The following TRABD variants were observed in gnomAD, a reference collection of about 807,000 sequenced individuals.
The protein encoded by TRABD is TraB domain containing, also known as traB domain-containing protein.
A neutral mutation model predicts 39.6 loss-of-function variants in TRABD; 23 were observed. The ratio of observed to expected loss-of-function variants is 0.58; its 90% CI spans 0.42 to 0.82. The LOEUF is 0.82. Ranked by LOEUF, TRABD falls within the 40% of genes least tolerant of loss-of-function variation. The pLI, the probability that TRABD is intolerant of heterozygous loss-of-function variation, is 0.00. For synonymous variants in TRABD, 243 were observed against 232.1 expected, an observed-to-expected ratio of 1.05 and a Z score of -0.43; for missense variants, 487 against 544.9, an observed-to-expected ratio of 0.89 and a Z score of 1.06.
chr22:50,198,252 G>C lies in TRABD; in HGVS notation c.956+66G>C. 6.5e-7 allele frequency: 1 copy of C among 1,542,774 alleles called. No homozygotes were observed. ...CCCCAGGTGGAGGCTGAGCGCCCTG[G>C]AGGCCAACCACATGCGGCAGTGACC... On this transcript the variant is annotated intron_variant, in intron 9 of 9. Transcript: ENST00000380909. This position sits in a 1 kb window ranked among gnomAD's most constrained non-coding sequence, Gnocchi z 7.9.
chr22:50,187,941 C>G (rs2063801729), intron 1 of TRABD, among the ~76,000 whole-genome samples: 1 of 151,262 alleles, frequency 6.6e-6, no homozygotes, highest in African/African-American at 2.4e-5. Flanking sequence ...GATCATGCCA[C>G]TGCACTCCAG....
At chr22:50,197,763 A>AGCCCCCCCCCCCCCCCCCCGG in intron 7 of TRABD, 60 bp from the exon 8 acceptor site, 13 of 1,439,772 alleles carry the variant, frequency 9.0e-6, no homozygotes, top group East Asian at 4.6e-5. Context: ...CCACAGTGCC[A>AGCCCCCCCCCCCCCCCCCCGG]GCCCCACCCC....
At position 50,191,063 on chromosome 22, in the gene TRABD, C is replaced by T. The variant is rs574508132; in HGVS notation, c.-34-1964C>T. 9.8e-5 allele frequency among the ~76,000 whole-genome samples: 15 copies of T among 152,328 alleles called. No homozygotes were observed. The East Asian group carries it at 2.3e-3, about 24-fold the overall frequency. On this transcript the variant is annotated intron_variant, in intron 1 of 9. Coordinates refer to ENST00000380909, the MANE Select transcript of TRABD (RefSeq NM_001320485.2). ...GCCCTCTGCAGAGGCTCAAGGCCCC[C>T]GGGGACATGAGCCTGGTGTTTATCA... is the stretch of plus-strand genomic sequence containing the variant.
At chr22:50,189,309 C>T (rs932259069) in intron 1 of TRABD, among the ~76,000 whole-genome samples, 1 of 152,228 alleles carries the variant, frequency 6.6e-6, no homozygotes, top group Non-Finnish European at 1.5e-5. Context: ...GAGCATCCTG[C>T]CCAGGGTAGC....
In TRABD at chr22:50,193,627, G is replaced by A. The variant is rs1179042453; in HGVS notation, c.85G>A (p.Val29Met). The change falls in exon 3 of 10, where the codon GTG (valine) becomes ATG (methionine). Residue 29 changes from valine (V) to methionine (M), a missense_variant. Val to Met is a conservative substitution (Grantham distance 21, BLOSUM62 1). Coordinates refer to ENST00000380909, the MANE Select transcript of TRABD (RefSeq NM_001320485.2). ...PSEASEPVPR[V>M]LSGDPQNLSD... ...AGAGGCTTCAGAGCCGGTGCCCAGG[G>A]TGCTTTCTGGAGACCCCCAGAACCT... 1.1e-5 allele frequency: 18 copies of A among 1,613,808 alleles called. No individual in the cohort carries two copies. Among genetic ancestry groups the A allele is most frequent in the Non-Finnish European group, 1.4e-5 (17 of 1,179,960 alleles).
intron 1 of TRABD, 144 bp downstream of exon 1, chr22:50,186,120 G>GGC (rs1555898219): frequency 7.0e-6 from 1 of 142,718 alleles, no homozygotes; most frequent in African/African-American, 2.6e-5. Context: ...GGGGCGGGGG[G>GGC]GGTCAGGCCC....
chr22:50,193,681 G>A lies in TRABD; in HGVS notation c.112+27G>A, dbSNP rs200520083. The A allele has an allele frequency of 1.5e-3, 2,378 of 1,605,780 alleles. 3 individuals are homozygous for A. The highest frequency in any genetic ancestry group is 1.7e-3 in the Non-Finnish European group (2,051 of 1,172,878). On this transcript the variant is annotated intron_variant, in intron 3 of 9. Coordinates refer to ENST00000380909, the MANE Select transcript of TRABD (RefSeq NM_001320485.2). The stretch of plus-strand genomic sequence containing the variant: ...TACGTGTCCCTCAGGGTCCTGGCAC[G>A]TTCCCCGGTGTTGGGCTGTTGAGTC...
At chr22:50,186,122 G>T (rs1325602165) in intron 1 of TRABD, 146 bp downstream of exon 1, 1 of 137,264 alleles carries the variant, frequency 7.3e-6, no homozygotes, top group Non-Finnish European at 1.6e-5. Flanking sequence ...GGCGGGGGGG[G>T]TCAGGCCCGG....
chr22:50,189,602 C>T (rs182989456), intron 1 of TRABD, among the ~76,000 whole-genome samples: 120 of 152,366 alleles, frequency 7.9e-4, no homozygotes, highest in African/African-American at 2.7e-3. Context: ...TCTGTCCCCC[C>T]GGAGGGGCAG....
intron 7 of TRABD, 78 bp from the exon 8 acceptor site, chr22:50,197,745 C>T (rs1449719348): frequency 2.5e-6 from 4 of 1,580,312 alleles, no homozygotes; most frequent in East Asian, 4.5e-5. Context: ...GTGGTCCCTG[C>T]CCGGTGTCCA....
chr22:50,195,474 T>G (rs942238160), intron 5 of TRABD, among the ~76,000 whole-genome samples: 7 of 151,826 alleles, frequency 4.6e-5, no homozygotes, highest in East Asian at 1.9e-4. Context: ...TTTTGTTTTT[T>G]TTTTTTGAGA....
chr22:50,193,752 TGTG>T (rs1421615641), intron 3 of TRABD, 98 bp downstream of exon 3: 1 of 1,243,696 alleles, frequency 8.0e-7, no homozygotes, highest in Non-Finnish European at 1.2e-6. Context: ...GCTTGGAGCT[TGTG>T]GTGAGCAGGG....
chr22:50,197,375 G>T (rs769189067), intron 6 of TRABD, 24 bp downstream of exon 6: 17 of 1,613,030 alleles, frequency 1.1e-5, no homozygotes, highest in African/African-American at 1.3e-5. Flanking sequence ...GAGGTAGGGG[G>T]TGGCCACAGG....
In TRABD at chr22:50,198,310, C is replaced by A. The variant is rs749595225; in HGVS notation, c.957-35C>A. The A allele has an allele frequency of 6.5e-7, 1 of 1,529,040 alleles. No homozygotes were observed. Among genetic ancestry groups the A allele is most frequent in the South Asian group, 1.2e-5 (1 of 82,082 alleles). The allele number at this position is 1,529,040 out of a possible 1,614,324, so 94.7% of individuals were successfully genotyped here. On this transcript the variant is annotated intron_variant, in intron 9 of 9. Transcript: ENST00000380909. The surrounding 1 kb of genome is among the most constrained non-coding windows in gnomAD (Gnocchi z 7.9). ...GGGGGCTGGGGTATGGGGAGCCCAC[C>A]CCCAGCCAGGCCCAGCGCCCCCTCC...
At position 50,198,151 on chromosome 22, in the gene TRABD, C is replaced by T; in HGVS notation, c.921C>T (p.Asn307=). ...GMGHVPGIEK[N]WSTDLNIQEI... ...GCCACGTGCCTGGCATCGAGAAGAACTGGAGCACCGACCTCAACATCCAGG... is the reference window on the plus strand; with the variant it reads ...GCCACGTGCCTGGCATCGAGAAGAATTGGAGCACCGACCTCAACATCCAGG... Residue 307 remains asparagine (N), a synonymous_variant, in exon 9 of 10, where the codon AAC becomes AAT. Transcript: ENST00000380909. This position sits in a 1 kb window ranked among gnomAD's most constrained non-coding sequence, Gnocchi z 7.9. The T allele has an allele frequency of 1.2e-6, 2 of 1,612,594 alleles. No individual in the cohort carries two copies. The highest frequency in any genetic ancestry group is 1.7e-6 in the Non-Finnish European group (2 of 1,179,668).
intron 2 of TRABD, 33 bp downstream of exon 2, chr22:50,193,126 C>G (rs2063968213): frequency 2.0e-6 from 3 of 1,529,768 alleles, no homozygotes; most frequent in African/African-American, 1.4e-5. Flanking sequence ...TGCACAGAGA[C>G]AGGGGCGGGG....
chr22:50,194,249 C>T, intron 3 of TRABD, 91 bp from the exon 4 acceptor site: 1 of 1,503,704 alleles, frequency 6.7e-7, no homozygotes, highest in South Asian at 1.3e-5. Flanking sequence ...TTCTCAGAAC[C>T]CAGGAGGGTT....
chr22:50,198,616 A>G lies in TRABD; in HGVS notation c.*97A>G, dbSNP rs543651136. On this transcript the variant is annotated 3_prime_UTR_variant, in exon 10 of 10. Coordinates refer to ENST00000380909, the MANE Select transcript of TRABD (RefSeq NM_001320485.2). The surrounding 1 kb of genome is among the most constrained non-coding windows in gnomAD (Gnocchi z 7.9). ...TCCTAGCCCGCCCGAGGCCCCTGCC[A>G]CCCCCCATGGGGGTCTGGGCCCGGC... The G allele has an allele frequency of 1.6e-6, 2 of 1,289,406 alleles. No individual in the cohort carries two copies. The highest frequency in any genetic ancestry group is 2.7e-5 in the East Asian group (1 of 36,444). The allele number at this position is 1,289,406 out of a possible 1,614,324, so 79.9% of individuals were successfully genotyped here.
chr22:50,188,742 A>G (rs1431427803), intron 1 of TRABD, among the ~76,000 whole-genome samples: 1 of 152,182 alleles, frequency 6.6e-6, no homozygotes, highest in Non-Finnish European at 1.5e-5. Context: ...GTGGGACCTG[A>G]GCAGGCAGGT....
Sources: gnomAD v4.1 joint callset for allele counts (sites outside exome capture counted in the v4.1 genomes callset) on GRCh38, gnomAD v4.1.1 for gene constraint, Gnocchi (gnomAD v3.1) non-coding constraint, MANE v1.5 for transcripts, NCBI Gene and HGNC (gene_info 2026-07-23, HGNC 2026-07-21) for gene names.